The following GRID1 variants were observed in gnomAD, a reference collection of about 807,000 sequenced individuals.
The protein encoded by GRID1 is glutamate receptor ionotropic, delta-1.
GRID1 carries 28 observed loss-of-function variants against 98.0 expected under a neutral mutation model. The observed-to-expected ratio is 0.29, with a 90% CI of 0.21 to 0.39. The LOEUF (loss-of-function observed/expected upper bound fraction) is 0.39, where lower values mean the gene tolerates loss of function less well. Among genes scored for constraint, GRID1 ranks in the 10% least tolerant of loss-of-function variants. The pLI, the probability that GRID1 is intolerant of heterozygous loss-of-function variation, is 1.00. For synonymous variants in GRID1, 553 were observed against 538.5 expected (o/e 1.03, Z -0.37); for missense variants, 1,111 against 1,340.5 (o/e 0.83, Z 2.67).
intron 4 of GRID1, among the ~76,000 whole-genome samples, chr10:86,019,694 G>C (rs1843024673): frequency 1.3e-5 from 2 of 152,232 alleles, no homozygotes; most frequent in Admixed American, 1.3e-4. Flanking sequence ...GACTTGCTTT[G>C]AGCCACACAG....
chr10:85,978,452 T>C (rs74630984), intron 4 of GRID1, among the ~76,000 whole-genome samples: 8,256 of 152,240 alleles, frequency 0.054, 315 homozygotes, highest in Non-Finnish European at 0.084. Context: ...GTGAATACAT[T>C]TGTACAAACC....
intron 6 of GRID1, among the ~76,000 whole-genome samples, chr10:85,866,249 C>T (rs1479273124): frequency 6.8e-6 from 1 of 148,074 alleles, no homozygotes; most frequent in Non-Finnish European, 1.5e-5. Context: ...TGCCCTCCCA[C>T]CTGCAGTGAT....
chr10:86,048,025 C>T (rs1843449427), intron 4 of GRID1, among the ~76,000 whole-genome samples: 1 of 152,102 alleles, frequency 6.6e-6, no homozygotes, highest in Admixed American at 6.5e-5. Flanking sequence ...TCAGCTTCTG[C>T]TTTTTGCTCT....
intron 12 of GRID1, among the ~76,000 whole-genome samples, chr10:85,702,379 G>A (rs540313656): frequency 6.6e-6 from 1 of 152,146 alleles, no homozygotes; most frequent in East Asian, 1.9e-4. Flanking sequence ...TCCCCAGAAT[G>A]AGCAGGAAAA....
chr10:86,276,939 T>G (rs1286666048), intron 2 of GRID1, among the ~76,000 whole-genome samples: 1 of 152,134 alleles, frequency 6.6e-6, no homozygotes, highest in Non-Finnish European at 1.5e-5. Flanking sequence ...AGAGCCATTG[T>G]GTTAAATGAA....
intron 15 of GRID1, chr10:85,606,711 G>T (rs1177967354): frequency 6.6e-6 from 1 of 152,148 alleles, no homozygotes; most frequent in Admixed American, 6.5e-5. Flanking sequence ...ATGTCTGTCT[G>T]TTCCTTCTGT....
At chr10:85,733,332 T>C (rs1038277934) in intron 8 of GRID1, among the ~76,000 whole-genome samples, 19 of 152,214 alleles carry the variant, frequency 1.2e-4, no homozygotes, top group African/African-American at 4.6e-4. Context: ...GGGCTAGACC[T>C]GGCCTTGCTC....
chr10:85,904,215 C>A (rs1841428052), intron 5 of GRID1, among the ~76,000 whole-genome samples: 1 of 152,082 alleles, frequency 6.6e-6, no homozygotes, highest in Non-Finnish European at 1.5e-5. Context: ...ACCCTCTGAC[C>A]TGAAATAACC....
chr10:85,842,227 T>A (rs1221717524), intron 8 of GRID1, among the ~76,000 whole-genome samples: 1 of 151,712 alleles, frequency 6.6e-6, no homozygotes, highest in Admixed American at 6.6e-5. Context: ...AAACAGAAAA[T>A]CAAATACTGC....
intron 3 of GRID1, among the ~76,000 whole-genome samples, chr10:86,150,106 G>A (rs1274667650): frequency 3.3e-5 from 5 of 152,202 alleles, no homozygotes; most frequent in Non-Finnish European, 7.3e-5. Context: ...GGTTTTCAGA[G>A]TCCTGCTGCT....
At chr10:86,201,965 T>C (rs1463662483) in intron 3 of GRID1, among the ~76,000 whole-genome samples, 1 of 152,144 alleles carries the variant, frequency 6.6e-6, no homozygotes, top group Non-Finnish European at 1.5e-5. Flanking sequence ...TGATTGTGGG[T>C]TCATGAGTCT....
chr10:85,870,980 A>G (rs1164892061), intron 5 of GRID1, among the ~76,000 whole-genome samples: 1 of 152,082 alleles, frequency 6.6e-6, no homozygotes, highest in African/African-American at 2.4e-5. Context: ...GAGAGGAACA[A>G]AACTGGAGGA....
chr10:86,035,986 C>T (rs17106188), intron 4 of GRID1, among the ~76,000 whole-genome samples: 6,478 of 152,184 alleles, frequency 0.043, 405 homozygotes, highest in African/African-American at 0.14. Context: ...TGGACCTGGG[C>T]GTGTCTTCAA....
chr10:86,333,982 C>T (rs953327311), intron 2 of GRID1, among the ~76,000 whole-genome samples: 1 of 152,160 alleles, frequency 6.6e-6, no homozygotes, highest in South Asian at 2.1e-4. Context: ...AACCCACTAG[C>T]ACTAGATGCC....
intron 4 of GRID1, among the ~76,000 whole-genome samples, chr10:86,067,805 T>C (rs1228105381): frequency 6.6e-6 from 1 of 152,194 alleles, no homozygotes; most frequent in Non-Finnish European, 1.5e-5. Flanking sequence ...GACTCTGTGG[T>C]GCCATTCCTA....
At chr10:85,819,973 GGA>G (rs1842748434) in intron 8 of GRID1, among the ~76,000 whole-genome samples, 1 of 46,632 alleles carries the variant, frequency 2.1e-5, no homozygotes, top group Non-Finnish European at 3.9e-5. Context: ...GAGAGAGGAA[GGA>G]AGGAAGGAAG....
At chr10:85,747,095 T>A (rs1435299748) in intron 8 of GRID1, among the ~76,000 whole-genome samples, 1 of 152,142 alleles carries the variant, frequency 6.6e-6, no homozygotes, top group Non-Finnish European at 1.5e-5. Flanking sequence ...CAGAAATTTT[T>A]ATCCTCAATT....
chr10:86,145,475 C>T (rs1038521040), intron 3 of GRID1, among the ~76,000 whole-genome samples: 11 of 152,150 alleles, frequency 7.2e-5, no homozygotes, highest in African/African-American at 1.4e-4. Flanking sequence ...GCCTCCACCA[C>T]GTCCTCCTCA....
chr10:85,647,139 TG>T, intron 13 of GRID1, 62 bp downstream of exon 13: 3 of 1,353,960 alleles, frequency 2.2e-6, no homozygotes, highest in Non-Finnish European at 3.2e-6. Context: ...GTCTCCCACC[TG>T]GGGGCTGACC....
Sources: allele counts gnomAD v4.1 joint callset (sites outside exome capture counted in the v4.1 genomes callset), GRCh38; gene constraint gnomAD v4.1.1; transcripts MANE v1.5; gene names NCBI Gene and HGNC (gene_info 2026-07-23, HGNC 2026-07-21).